Variants in WBP2NL observed in about 807,000 individuals in gnomAD.
The protein encoded by WBP2NL is WBP2 N-terminal like, also known as postacrosomal sheath WW domain-binding protein.
WBP2NL carries 27 observed loss-of-function variants against 23.3 expected under a neutral mutation model. That is an observed-to-expected ratio of 1.16 (90% confidence interval 0.85 to 1.60). The LOEUF is 1.60. Ranked by LOEUF, WBP2NL falls within the 40% of genes most tolerant of loss-of-function variation. The pLI is 0.00. For missense variants in WBP2NL, 370 were observed against 389.5 expected (o/e 0.95, Z 0.42); for synonymous variants, 151 against 145.9 (o/e 1.03, Z -0.25).
intron 8 of WBP2NL, among the ~76,000 whole-genome samples, chr22:42,052,393 C>T (rs576124321): frequency 3.9e-5 from 6 of 152,192 alleles, no homozygotes; most frequent in Non-Finnish European, 5.9e-5. Flanking sequence ...ATTCTTGTGC[C>T]CCAGCCTCTC....
intron 1 of WBP2NL, chr22:42,003,586 A>T (rs1468243607): frequency 6.6e-6 from 1 of 152,238 alleles, no homozygotes; most frequent in Non-Finnish European, 1.5e-5. Flanking sequence ...TACTTTGTAT[A>T]CAAATAAAAG....
At chr22:42,013,001 A>C (rs568501283) in intron 1 of WBP2NL, among the ~76,000 whole-genome samples, 4 of 151,820 alleles carry the variant, frequency 2.6e-5, no homozygotes, top group East Asian at 1.9e-4. Context: ...CAAAAAAAAA[A>C]AACAACGGAG....
chr22:42,030,128 A>G (rs1026356434), downstream of WBP2NL: 7 of 152,226 alleles, frequency 4.6e-5, no homozygotes, highest in Admixed American at 6.5e-5. Flanking sequence ...AGCCTTGACT[A>G]TACTAATGGA....
intron 1 of WBP2NL, among the ~76,000 whole-genome samples, chr22:42,016,983 T>C (rs1923361419): frequency 6.6e-6 from 1 of 152,218 alleles, no homozygotes; most frequent in South Asian, 2.1e-4. Context: ...TTCCACACTG[T>C]GTTTTGATGA....
chr22:42,057,148 CTTTT>C (rs1185599179), intron 8 of WBP2NL, among the ~76,000 whole-genome samples: 1 of 152,126 alleles, frequency 6.6e-6, no homozygotes, highest in Non-Finnish European at 1.5e-5. Flanking sequence ...GCCCCTTTCT[CTTTT>C]TTTATGTGTA....
chr22:42,023,586 G>T (rs1296296887), intron 5 of WBP2NL, among the ~76,000 whole-genome samples: 1 of 151,752 alleles, frequency 6.6e-6, no homozygotes, highest in Non-Finnish European at 1.5e-5. Flanking sequence ...CCACCTCCCG[G>T]GTTCACGCCA....
chr22:42,046,871 G>C (rs1490345522), intron 8 of WBP2NL, among the ~76,000 whole-genome samples: 1 of 152,148 alleles, frequency 6.6e-6, no homozygotes, highest in Non-Finnish European at 1.5e-5. Context: ...GCTACCCAGA[G>C]ATTAATTTAG....
downstream of WBP2NL, among the ~76,000 whole-genome samples, chr22:42,028,713 G>A (rs1924717716): frequency 1.3e-5 from 2 of 152,206 alleles, no homozygotes; most frequent in Admixed American, 1.3e-4. Context: ...GTCTTCCCTT[G>A]ATTTACACAG....
At chr22:42,032,136 C>A (rs1453790457), downstream of WBP2NL, 4 of 152,168 alleles carry the variant, frequency 2.6e-5, no homozygotes, top group African/African-American at 9.7e-5. Flanking sequence ...GCAAAGGTAT[C>A]CAGATTTTAT....
downstream of WBP2NL, among the ~76,000 whole-genome samples, chr22:42,036,743 A>G (rs1159109283): frequency 2.0e-5 from 3 of 152,064 alleles, no homozygotes; most frequent in Non-Finnish European, 4.4e-5. Flanking sequence ...AGAAGTGTCT[A>G]TTTTGGTTCT....
At chr22:42,002,615 G>A (rs1921815187) in intron 1 of WBP2NL, 1 of 152,144 alleles carries the variant, frequency 6.6e-6, no homozygotes, top group Non-Finnish European at 1.5e-5. Flanking sequence ...AAAAAACTCA[G>A]TCTATCTACA....
intron 8 of WBP2NL, among the ~76,000 whole-genome samples, chr22:42,052,314 G>C (rs900446586): frequency 6.6e-6 from 1 of 151,932 alleles, no homozygotes; most frequent in Non-Finnish European, 1.5e-5. Context: ...ATGGAGTCTG[G>C]CTCTGTCACC....
chr22:42,021,777 TTTTC>T (rs1053506927), intron 4 of WBP2NL, among the ~76,000 whole-genome samples: 3 of 146,716 alleles, frequency 2.0e-5, no homozygotes, highest in South Asian at 2.1e-4. Context: ...GTCATATTTC[TTTTC>T]TTTCTTTCTT....
chr22:42,048,779 A>AG (rs1469539673), intron 8 of WBP2NL, among the ~76,000 whole-genome samples: 1 of 151,488 alleles, frequency 6.6e-6, no homozygotes, highest in East Asian at 1.9e-4. Flanking sequence ...AGAAAAGAAA[A>AG]AAAAGAAACC....
At chr22:42,007,199 G>A (rs1922333049) in intron 1 of WBP2NL, among the ~76,000 whole-genome samples, 2 of 152,032 alleles carry the variant, frequency 1.3e-5, no homozygotes, top group South Asian at 4.1e-4. Flanking sequence ...CCCTAATCTG[G>A]AATAGTCTGG....
In WBP2NL at chr22:42,028,156, A is replaced by G. The variant is rs149430793; in HGVS notation, c.*975A>G. The stretch of plus-strand genomic sequence containing the variant: ...AGAAATAACCTATATGTCCATTAAT[A>G]GGAAATATATGAATAGGCTATGGTA... On this transcript the variant is annotated 3_prime_UTR_variant, in exon 6 of 6. Coordinates refer to ENST00000328823, the MANE Select transcript of WBP2NL (RefSeq NM_152613.3). The G allele has an allele frequency of 7.4e-3, 2,946 of 398,420 alleles. 13 individuals carry two copies. Among genetic ancestry groups the G allele is most frequent in the Non-Finnish European group, 0.011 (2,488 of 225,952 alleles). 24.7% of individuals were successfully genotyped at this position (398,420 alleles called of 1,614,324 possible).
At chr22:41,999,314 C>A (rs1038067374) in intron 1 of WBP2NL, among the ~76,000 whole-genome samples, 1 of 152,172 alleles carries the variant, frequency 6.6e-6, no homozygotes, top group Non-Finnish European at 1.5e-5. Context: ...TGTATCTCCT[C>A]CTACTTCCAC....
At chr22:42,007,731 T>A (rs1569446435) in intron 1 of WBP2NL, among the ~76,000 whole-genome samples, 1 of 152,246 alleles carries the variant, frequency 6.6e-6, no homozygotes, top group Non-Finnish European at 1.5e-5. Context: ...TGTGACAGGA[T>A]TTCCTTCTTT....
intron 1 of WBP2NL, among the ~76,000 whole-genome samples, chr22:42,008,718 C>CT (rs1421990235): frequency 1.3e-5 from 2 of 151,898 alleles, no homozygotes; most frequent in Non-Finnish European, 2.9e-5. Context: ...AGTGATTCTC[C>CT]TGCCTCAGCC....
Sources: allele counts gnomAD v4.1 joint callset (sites outside exome capture counted in the v4.1 genomes callset), GRCh38; gene constraint gnomAD v4.1.1; transcripts MANE v1.5; gene names NCBI Gene and HGNC (gene_info 2026-07-23, HGNC 2026-07-21).